Variants in PITPNC1 observed in about 807,000 individuals in gnomAD.
The protein encoded by PITPNC1 is cytoplasmic phosphatidylinositol transfer protein 1.
A neutral mutation model predicts 44.7 loss-of-function variants in PITPNC1; 18 were observed. The ratio of observed to expected loss-of-function variants is 0.40; its 90% confidence interval spans 0.28 to 0.60. The LOEUF (loss-of-function observed/expected upper bound fraction) is 0.60. Among genes scored for constraint, PITPNC1 ranks in the 20% least tolerant of loss-of-function variants. PITPNC1 has a pLI of 0.39. For synonymous variants in PITPNC1, 141 were observed against 149.6 expected (o/e 0.94, Z 0.42); for missense variants, 290 against 418.4 (o/e 0.69, Z 2.68).
At chr17:67,620,575 T>C (rs1044914252) in intron 5 of PITPNC1, among the ~76,000 whole-genome samples, 1 of 152,116 alleles carries the variant, frequency 6.6e-6, no homozygotes, top group African/African-American at 2.4e-5. Flanking sequence ...TCTCAGACAC[T>C]CTCAGGCCTG....
At chr17:67,605,635 C>T (rs1241270653) in intron 5 of PITPNC1, among the ~76,000 whole-genome samples, 7 of 152,078 alleles carry the variant, frequency 4.6e-5, no homozygotes, top group South Asian at 2.1e-4. Context: ...TCCTTTTATC[C>T]GTTGTGGGCT....
At chr17:67,632,854 C>A (rs912260183) in intron 6 of PITPNC1, among the ~76,000 whole-genome samples, 17 of 152,194 alleles carry the variant, frequency 1.1e-4, no homozygotes, top group African/African-American at 4.1e-4. Context: ...AGGCATGAGC[C>A]ACCTGTGTTT....
At chr17:67,636,932 C>T (rs2042039901) in intron 6 of PITPNC1, among the ~76,000 whole-genome samples, 1 of 152,200 alleles carries the variant, frequency 6.6e-6, no homozygotes, top group South Asian at 2.1e-4. Context: ...AAACCCCTCA[C>T]TGGCCCTCCT....
intron 1 of PITPNC1, among the ~76,000 whole-genome samples, chr17:67,432,274 G>C (rs2038867514): frequency 6.6e-6 from 1 of 152,150 alleles, no homozygotes; most frequent in Non-Finnish European, 1.5e-5. Context: ...TGGATCACGA[G>C]GTCAGGAGAT....
intron 1 of PITPNC1, among the ~76,000 whole-genome samples, chr17:67,391,160 C>T (rs530454645): frequency 2.0e-5 from 3 of 149,792 alleles, no homozygotes; most frequent in Non-Finnish European, 4.4e-5. Flanking sequence ...AAAAAAAAAT[C>T]AACCCTTTTT....
intron 1 of PITPNC1, among the ~76,000 whole-genome samples, chr17:67,419,170 G>C (rs1050618226): frequency 8.8e-6 from 1 of 113,650 alleles, no homozygotes; most frequent in African/African-American, 3.5e-5. Context: ...AGGAGGAAGG[G>C]AGAAAAAAAA....
intron 6 of PITPNC1, among the ~76,000 whole-genome samples, chr17:67,634,563 G>T (rs576407814): frequency 1.3e-5 from 2 of 152,274 alleles, no homozygotes; most frequent in Admixed American, 1.3e-4. Flanking sequence ...CCAAAGAGAT[G>T]CTTAGGGTCC....
chr17:67,466,743 G>C (rs1277936433), intron 1 of PITPNC1, among the ~76,000 whole-genome samples: 1 of 152,182 alleles, frequency 6.6e-6, no homozygotes, highest in Non-Finnish European at 1.5e-5. Context: ...CCCTCTGGGA[G>C]TCGCAGGAGG....
At chr17:67,544,934 C>G (rs893220739) in intron 2 of PITPNC1, among the ~76,000 whole-genome samples, 1 of 152,156 alleles carries the variant, frequency 6.6e-6, no homozygotes, top group African/African-American at 2.4e-5. Flanking sequence ...GACCAAATAG[C>G]TCATTTTCAT....
intron 1 of PITPNC1, among the ~76,000 whole-genome samples, chr17:67,391,736 C>T (rs2038142111): frequency 6.6e-6 from 1 of 152,092 alleles, no homozygotes; most frequent in Non-Finnish European, 1.5e-5. Flanking sequence ...TCACCTCGGC[C>T]TCTCAAAGTG....
At chr17:67,505,592 A>G (rs1251747902) in intron 1 of PITPNC1, among the ~76,000 whole-genome samples, 1 of 152,072 alleles carries the variant, frequency 6.6e-6, no homozygotes, top group African/African-American at 2.4e-5. Context: ...CTTTAATTCC[A>G]GTCTATTTGT....
chr17:67,575,504 C>A (rs2041128178), intron 4 of PITPNC1, among the ~76,000 whole-genome samples: 1 of 152,170 alleles, frequency 6.6e-6, no homozygotes, highest in Non-Finnish European at 1.5e-5. Context: ...CAGATGCGTG[C>A]TGAACGCGTC....
chr17:67,687,528 T>C (rs1182510771), intron 8 of PITPNC1, among the ~76,000 whole-genome samples: 1 of 152,208 alleles, frequency 6.6e-6, no homozygotes, highest in Non-Finnish European at 1.5e-5. Flanking sequence ...AACATGTCAG[T>C]AACTTTTAAA....
At chr17:67,383,086 C>A (rs1215476129) in intron 1 of PITPNC1, among the ~76,000 whole-genome samples, 1 of 151,960 alleles carries the variant, frequency 6.6e-6, no homozygotes, top group Non-Finnish European at 1.5e-5. Context: ...ACCTCTGCCT[C>A]CCGAGTTCAA....
chr17:67,543,544 A>G (rs546482615), intron 2 of PITPNC1, among the ~76,000 whole-genome samples: 4 of 152,084 alleles, frequency 2.6e-5, no homozygotes, highest in African/African-American at 9.6e-5. Context: ...TGTAGTTTTC[A>G]TTTGCTTTTC....
intron 1 of PITPNC1, among the ~76,000 whole-genome samples, chr17:67,386,428 G>C (rs1215309181): frequency 6.6e-6 from 1 of 152,084 alleles, no homozygotes; most frequent in Admixed American, 6.5e-5. Context: ...CCTGACCTCA[G>C]GTGATCCACC....
At position 67,616,062 on chromosome 17, in the gene PITPNC1, A is replaced by C. The variant is rs190795029; in HGVS notation, c.367-16081A>C. 3.0e-4 allele frequency among the ~76,000 whole-genome samples: 45 copies of C among 152,240 alleles called. No homozygotes were observed. In the East Asian group the frequency reaches 6.9e-3, roughly 23 times the overall value. ...TTGTGCCCTTACAGCCTCTTTAGTA[A>C]ATGAATTGAGTCATAGCATTTGTGA... On this transcript the variant is annotated intron_variant, in intron 5 of 8. Coordinates refer to ENST00000581322, the MANE Select transcript of PITPNC1 (RefSeq NM_012417.4).
At chr17:67,521,496 G>A (rs370737410) in intron 1 of PITPNC1, among the ~76,000 whole-genome samples, 6 of 152,126 alleles carry the variant, frequency 3.9e-5, no homozygotes, top group African/African-American at 7.2e-5. Flanking sequence ...TTGTGGGATC[G>A]GATATTGGTT....
intron 6 of PITPNC1, 133 bp from the exon 7 acceptor site, chr17:67,669,375 C>T (rs1598963562): frequency 3.2e-6 from 2 of 620,136 alleles, no homozygotes; most frequent in Non-Finnish European, 5.3e-6. Flanking sequence ...CTCAGCCTCC[C>T]AAAGTGCTGG....
Sources: allele counts gnomAD v4.1 joint callset (sites outside exome capture counted in the v4.1 genomes callset), GRCh38; gene constraint gnomAD v4.1.1; transcripts MANE v1.5; gene names NCBI Gene and HGNC (gene_info 2026-07-23, HGNC 2026-07-21).